Variants in HYCC1 observed in about 807,000 individuals in gnomAD.
The protein encoded by HYCC1 is hyccin PI4KA lipid kinase complex subunit 1, also known as hyccin.
chr7:23,012,647 G>A, the HYCC1 span, among the ~76,000 whole-genome samples: 5 of 152,074 alleles, frequency 3.3e-5, no homozygotes, highest in Admixed American at 1.3e-4. Context: ...AAATATGGTG[G>A]TTTAGACTAC....
At chr7:22,976,600 CA>C in the HYCC1 span, 1 of 809,530 alleles carries the variant, frequency 1.2e-6, no homozygotes, top group African/African-American at 1.7e-5. Context: ...AATTGTCACA[CA>C]CAACTCATTA....
chr7:22,980,715 A>G, the HYCC1 span, among the ~76,000 whole-genome samples: 2 of 152,152 alleles, frequency 1.3e-5, no homozygotes, highest in South Asian at 2.1e-4. Flanking sequence ...GAACACTACT[A>G]TTCAGGAACC....
the HYCC1 span, among the ~76,000 whole-genome samples, chr7:22,955,853 T>C: frequency 6.6e-6 from 1 of 151,676 alleles, no homozygotes; most frequent in South Asian, 2.1e-4. Flanking sequence ...AAGGTATCTT[T>C]GGAAACGACA....
chr7:22,907,459 C>T, the HYCC1 span, among the ~76,000 whole-genome samples: 1 of 152,152 alleles, frequency 6.6e-6, no homozygotes, highest in Non-Finnish European at 1.5e-5. Flanking sequence ...GGAGAGTGAA[C>T]AACTATTCAA....
the HYCC1 span, among the ~76,000 whole-genome samples, chr7:22,918,309 T>A: frequency 6.6e-6 from 1 of 152,156 alleles, no homozygotes; most frequent in Middle Eastern, 3.2e-3. Flanking sequence ...ATCCAGGCCA[T>A]CACTAATCAT....
the HYCC1 span, chr7:22,984,039 G>T: frequency 6.4e-7 from 1 of 1,571,568 alleles, no homozygotes; most frequent in Non-Finnish European, 8.8e-7. Context: ...GATGTTTCTG[G>T]TAATGTCTAA....
the HYCC1 span, among the ~76,000 whole-genome samples, chr7:22,930,443 C>G: frequency 7.3e-4 from 103 of 142,008 alleles, 1 homozygote; most frequent in South Asian, 0.021. Flanking sequence ...CAGAACAGAT[C>G]TATAAAAGTA....
At chr7:22,939,868 T>C in the HYCC1 span, 1 of 152,212 alleles carries the variant, frequency 6.6e-6, no homozygotes, top group African/African-American at 2.4e-5. Flanking sequence ...AAGATGATCA[T>C]TTTAATTACA....
the HYCC1 span, among the ~76,000 whole-genome samples, chr7:22,969,253 C>T: frequency 6.7e-6 from 1 of 149,926 alleles, no homozygotes; most frequent in Admixed American, 6.7e-5. Flanking sequence ...CTGCTCACTG[C>T]ACCCTCCACC....
the HYCC1 span, among the ~76,000 whole-genome samples, chr7:22,913,046 C>T: frequency 1.3e-5 from 2 of 151,908 alleles, no homozygotes; most frequent in African/African-American, 4.8e-5. Context: ...ATCAATTGAA[C>T]CTAGGAGGCG....
the HYCC1 span, chr7:22,961,371 G>T: frequency 9.5e-7 from 1 of 1,047,738 alleles, no homozygotes; most frequent in South Asian, 1.4e-5. Context: ...ATTTATAACT[G>T]AACAAAATAC....
the HYCC1 span, among the ~76,000 whole-genome samples, chr7:22,911,396 T>C: frequency 6.6e-6 from 1 of 152,340 alleles, no homozygotes; most frequent in East Asian, 1.9e-4. Context: ...AGCAATGTCT[T>C]TGGCAGCAAG....
the HYCC1 span, among the ~76,000 whole-genome samples, chr7:22,989,413 C>T: frequency 0.67 from 101,839 of 151,590 alleles, 34,166 homozygotes; most frequent in African/African-American, 0.71. Context: ...AGTGGTGCCA[C>T]CATAGCTCAC....
At chr7:22,943,680 A>G in the HYCC1 span, 1 of 152,642 alleles carries the variant, frequency 6.6e-6, no homozygotes, top group African/African-American at 2.4e-5. Context: ...AATACTATTA[A>G]TAACTATGCA....
the HYCC1 span, among the ~76,000 whole-genome samples, chr7:22,985,394 T>C: frequency 6.6e-6 from 1 of 152,178 alleles, no homozygotes; most frequent in Non-Finnish European, 1.5e-5. Context: ...ACGCAAATCT[T>C]TGCTGAGGGA....
the HYCC1 span, among the ~76,000 whole-genome samples, chr7:22,970,965 G>A: frequency 1.3e-5 from 2 of 152,124 alleles, no homozygotes; most frequent in Non-Finnish European, 2.9e-5. Context: ...AATTTACTCT[G>A]CCAAATTCAC....
chr7:22,925,075 C>G, the HYCC1 span, among the ~76,000 whole-genome samples: 1 of 152,318 alleles, frequency 6.6e-6, no homozygotes, highest in African/African-American at 2.4e-5. Flanking sequence ...CAAACAGAGT[C>G]TGAAGTGGAC....
chr7:22,962,260 G>T, the HYCC1 span, among the ~76,000 whole-genome samples: 1 of 152,118 alleles, frequency 6.6e-6, no homozygotes, highest in Admixed American at 6.6e-5. Flanking sequence ...TTGCTAAAAG[G>T]TAACTCATGG....
the HYCC1 span, among the ~76,000 whole-genome samples, chr7:22,995,677 G>A: frequency 6.6e-6 from 1 of 152,122 alleles, no homozygotes; most frequent in African/African-American, 2.4e-5. Context: ...AAATAAATAA[G>A]AGAATAGGAG....
Sources: allele counts gnomAD v4.1 joint callset (sites outside exome capture counted in the v4.1 genomes callset), GRCh38; gene constraint gnomAD v4.1.1; transcripts MANE v1.5; gene names NCBI Gene and HGNC (gene_info 2026-07-23, HGNC 2026-07-21).